ERBB4: variants seen among roughly 807,000 people sequenced by gnomAD.
ERBB4 encodes the protein erb-b2 receptor tyrosine kinase 4.
ERBB4 carries 42 observed loss-of-function variants against 158.0 expected under a neutral mutation model. The observed-to-expected ratio is 0.27, with a 90% CI of 0.21 to 0.34. The LOEUF is 0.34. ERBB4 is among the 10% of genes least tolerant of loss of function. The probability of loss-of-function intolerance (pLI) is 1.00; values close to 1 mark genes in which losing one functional copy is unlikely to be tolerated. For synonymous variants in ERBB4, 583 were observed against 558.7 expected, an observed-to-expected ratio of 1.04 and a Z score of -0.61; for missense variants, 1,333 against 1,624.1, an observed-to-expected ratio of 0.82 and a Z score of 3.08.
chr2:212,306,752 G>A (rs2086825739), intron 1 of ERBB4, among the ~76,000 whole-genome samples: 1 of 150,800 alleles, frequency 6.6e-6, no homozygotes, highest in Non-Finnish European at 1.5e-5. Flanking sequence ...ACTTCTTAAA[G>A]TTTGGATGCA....
chr2:211,608,794 G>A (rs937976983), intron 19 of ERBB4, among the ~76,000 whole-genome samples: 1 of 152,042 alleles, frequency 6.6e-6, no homozygotes, highest in Non-Finnish European at 1.5e-5. Flanking sequence ...TAGAAAAGGG[G>A]CAGGAGGATA....
intron 2 of ERBB4, among the ~76,000 whole-genome samples, chr2:211,993,685 G>A (rs751285915): frequency 3.2e-4 from 48 of 149,584 alleles, no homozygotes; most frequent in Non-Finnish European, 5.9e-4. Flanking sequence ...TTTAAATATT[G>A]GTATGACATT....
At chr2:211,442,387 TATCC>T (rs10593679) in intron 20 of ERBB4, among the ~76,000 whole-genome samples, 95,744 of 150,878 alleles carry the variant, frequency 0.63, 30,961 homozygotes, top group African/African-American at 0.76. Context: ...GACAGGTATC[TATCC>T]ATCCATCCAT....
At chr2:211,892,625 T>G (rs1370185208) in intron 3 of ERBB4, among the ~76,000 whole-genome samples, 1 of 145,778 alleles carries the variant, frequency 6.9e-6, no homozygotes. Flanking sequence ...AAATTGTCCC[T>G]GTTTGCAGAT....
At chr2:212,031,308 T>C (rs2076897545) in intron 2 of ERBB4, among the ~76,000 whole-genome samples, 1 of 152,166 alleles carries the variant, frequency 6.6e-6, no homozygotes, top group Non-Finnish European at 1.5e-5. Context: ...CCACATTTCC[T>C]TCTATATTTA....
chr2:211,979,566 C>A (rs2081731973), intron 2 of ERBB4, among the ~76,000 whole-genome samples: 1 of 152,080 alleles, frequency 6.6e-6, no homozygotes, highest in Non-Finnish European at 1.5e-5. Flanking sequence ...ATAGGTATTT[C>A]TTCTTTTACA....
chr2:212,343,338 T>C (rs2106324436), intron 1 of ERBB4, among the ~76,000 whole-genome samples: 1 of 152,314 alleles, frequency 6.6e-6, no homozygotes, highest in East Asian at 1.9e-4. Flanking sequence ...ATTGCTTTAA[T>C]CTATGCTTGT....
chr2:211,595,609 T>C (rs1319284947), intron 19 of ERBB4, among the ~76,000 whole-genome samples: 4 of 152,150 alleles, frequency 2.6e-5, no homozygotes, highest in Non-Finnish European at 4.4e-5. Context: ...CAGATGTTAT[T>C]AGACTACTAC....
At chr2:211,460,986 C>G (rs1431948442) in intron 20 of ERBB4, among the ~76,000 whole-genome samples, 2 of 151,762 alleles carry the variant, frequency 1.3e-5, no homozygotes, top group Admixed American at 1.3e-4. Context: ...ATTTTAGGAA[C>G]TGAAAAATGA....
chr2:211,805,487 T>C (rs2076593356), intron 3 of ERBB4, among the ~76,000 whole-genome samples: 1 of 152,246 alleles, frequency 6.6e-6, no homozygotes, highest in African/African-American at 2.4e-5. Flanking sequence ...AGGAGAGACG[T>C]ATTTATTTAA....
chr2:212,388,244 G>A (rs752183325), intron 1 of ERBB4, among the ~76,000 whole-genome samples: 27 of 152,122 alleles, frequency 1.8e-4, no homozygotes, highest in Non-Finnish European at 3.7e-4. Context: ...GGAAGTAGCT[G>A]TTAACTCAGA....
intron 3 of ERBB4, among the ~76,000 whole-genome samples, chr2:211,858,089 T>C (rs116579946): frequency 6.7e-4 from 102 of 152,306 alleles, no homozygotes; most frequent in African/African-American, 2.4e-3. Flanking sequence ...GCTGCAGTTA[T>C]GTTCACACAC....
intron 1 of ERBB4, among the ~76,000 whole-genome samples, chr2:212,170,979 C>T (rs1268800944): frequency 6.6e-6 from 1 of 152,000 alleles, no homozygotes; most frequent in Non-Finnish European, 1.5e-5. Flanking sequence ...TCCTCCAGGC[C>T]CAAGAATGAT....
At chr2:211,443,647 A>G (rs4100599) in intron 20 of ERBB4, among the ~76,000 whole-genome samples, 122,574 of 151,952 alleles carry the variant, frequency 0.81, 49,928 homozygotes, top group African/African-American at 0.92. Context: ...GGGGAGTGGA[A>G]TGCAGGAATG....
chr2:211,781,962 G>A (rs2076048010), intron 4 of ERBB4, among the ~76,000 whole-genome samples: 1 of 152,102 alleles, frequency 6.6e-6, no homozygotes, highest in Non-Finnish European at 1.5e-5. Flanking sequence ...AGGGTTTGCT[G>A]ACCAGCCATG....
intron 2 of ERBB4, among the ~76,000 whole-genome samples, chr2:212,040,320 T>G (rs772477851): frequency 6.6e-6 from 1 of 152,086 alleles, no homozygotes; most frequent in Non-Finnish European, 1.5e-5. Flanking sequence ...TTAGTAGTTT[T>G]TTTTTCTTCT....
At chr2:211,939,483 G>A (rs1207902955) in intron 3 of ERBB4, among the ~76,000 whole-genome samples, 1 of 151,754 alleles carries the variant, frequency 6.6e-6, no homozygotes, top group Non-Finnish European at 1.5e-5. Context: ...TTTGGTAAAC[G>A]CTGGAAGAGA....
At chr2:211,629,514 A>C (rs1243464378) in intron 17 of ERBB4, among the ~76,000 whole-genome samples, 1 of 152,310 alleles carries the variant, frequency 6.6e-6, no homozygotes, top group South Asian at 2.1e-4. Flanking sequence ...TCAAGCTACC[A>C]ATGACTTTCT....
intron 1 of ERBB4, among the ~76,000 whole-genome samples, chr2:212,392,933 T>A (rs2090919990): frequency 6.6e-6 from 1 of 151,992 alleles, no homozygotes; most frequent in African/African-American, 2.4e-5. Flanking sequence ...CCACTTTTGT[T>A]CCCCGGCAAT....
Sources: allele counts gnomAD v4.1 joint callset (sites outside exome capture counted in the v4.1 genomes callset), GRCh38; gene constraint gnomAD v4.1.1; transcripts MANE v1.5; gene names NCBI Gene and HGNC (gene_info 2026-07-23, HGNC 2026-07-21).